The following MBP variants were observed in gnomAD, a reference collection of about 807,000 sequenced individuals.
MBP encodes Golli-MBP.
MBP carries 16 observed loss-of-function variants against 35.8 expected under a neutral mutation model. The observed-to-expected ratio is 0.45, with a 90% CI of 0.30 to 0.68. The LOEUF is 0.68. Among genes scored for constraint, MBP ranks in the 30% least tolerant of loss-of-function variants. The probability of loss-of-function intolerance (pLI) is 0.08; values close to 1 mark genes in which losing one functional copy is unlikely to be tolerated. For missense variants in MBP, 380 were observed against 404.7 expected (o/e 0.94, Z 0.52); for synonymous variants, 143 against 159.6 (o/e 0.90, Z 0.78).
intron 8 of MBP, chr18:76,981,315 G>A (rs470554): frequency 0.64 from 96,933 of 152,026 alleles, 31,016 homozygotes; most frequent in Middle Eastern, 0.69. Flanking sequence ...TTTTGGCGAA[G>A]AGCCCCCAGA....
At chr18:77,018,521 CCATA>C (rs1009978412) in intron 3 of MBP, among the ~76,000 whole-genome samples, 8 of 149,436 alleles carry the variant, frequency 5.4e-5, no homozygotes, top group Non-Finnish European at 3.0e-5. Flanking sequence ...ATCCATCCAT[CCATA>C]CACACACCCA....
intron 4 of MBP, chr18:77,003,668 T>C (rs923030268): frequency 6.6e-6 from 1 of 152,212 alleles, no homozygotes; most frequent in Non-Finnish European, 1.5e-5. Context: ...GCTTCTTCAG[T>C]ATATTTTTTG....
In MBP at chr18:76,992,298, G is replaced by A. The variant is rs985920408; in HGVS notation, c.577-2238C>T. Among the ~76,000 whole-genome samples, 21 of 152,088 alleles carry A rather than the reference G, an allele frequency of 1.4e-4. 1 individual carries two copies. Among genetic ancestry groups the A allele is most frequent in the Admixed American group, 1.2e-3 (18 of 15,280 alleles). On this transcript the variant is annotated intron_variant, in intron 4 of 8. Coordinates refer to ENST00000355994, the MANE Select transcript of MBP (RefSeq NM_001025101.2). ...ATTCCCATAAGGAGTGCACAACCTC[G>A]ATCCCTCGAACATGCCATTCCCAGT... is the stretch of plus-strand genomic sequence containing the variant.
chr18:76,990,126 G>T (rs931214280), intron 4 of MBP, 66 bp from the exon 5 acceptor site: 74 of 1,033,350 alleles, frequency 7.2e-5, no homozygotes, highest in Non-Finnish European at 1.0e-4. Context: ...CCTCCTCAGG[G>T]AAGCTGGATC....
Position 76,985,116 on chromosome 18 carries a change from C to T in MBP, c.751-222G>A, listed in dbSNP as rs896211653. The T allele has an allele frequency of 3.4e-5, 52 of 1,532,592 alleles. No individual in the cohort carries two copies. In the Admixed American group the frequency reaches 5.8e-4, roughly 17 times the overall value. 94.9% of individuals were successfully genotyped at this position (1,532,592 alleles called of 1,614,324 possible). ...TGTTGGCCGCAGAGAGAGGAGGGCT[C>T]TGGTTTGGGCGGAGGCTCTCTCATG... On this transcript the variant is annotated intron_variant, in intron 7 of 8. Transcript: ENST00000355994.
chr18:77,022,310 C>A (rs1419167991), intron 3 of MBP, among the ~76,000 whole-genome samples: 3 of 152,210 alleles, frequency 2.0e-5, no homozygotes, highest in African/African-American at 7.2e-5. Flanking sequence ...TGTGACTGTG[C>A]TGGCTGAGCC....
intron 2 of MBP, among the ~76,000 whole-genome samples, chr18:77,073,434 A>G (rs529558667): frequency 1.3e-5 from 2 of 152,290 alleles, no homozygotes; most frequent in African/African-American, 4.8e-5. Context: ...ACATTTCACC[A>G]TTTTGACATG....
In MBP at chr18:77,010,518, T is replaced by A. The variant is rs2123408241; in HGVS notation, c.576+6314A>T. On this transcript the variant is annotated intron_variant, in intron 4 of 8. Transcript: ENST00000355994. ...TGAACCGAGGACGGACCTTTTCCGA[T>A]TTTCTGCAGAGCATGAGGAAATAAT... Among the ~76,000 whole-genome samples, 2 of 152,374 alleles carry A rather than the reference T, an allele frequency of 1.3e-5. 1 individual carries two copies. Among genetic ancestry groups the A allele is most frequent in the South Asian group, 4.1e-4 (2 of 4,832 alleles).
At chr18:77,012,750 A>G in intron 4 of MBP, 1 of 983,872 alleles carries the variant, frequency 1.0e-6, no homozygotes. Flanking sequence ...CCAAACCAAA[A>G]ACGACAAATT....
intron 2 of MBP, among the ~76,000 whole-genome samples, chr18:77,078,466 G>A (rs1197739088): frequency 6.6e-6 from 1 of 152,202 alleles, no homozygotes; most frequent in Non-Finnish European, 1.5e-5. Flanking sequence ...GGAGAAGGGA[G>A]TAGAAAGAAG....
chr18:77,017,121 G>A lies in MBP; in HGVS notation c.287C>T (p.Ser96Phe). The change falls in exon 4 of 9, where the codon TCC becomes TTC. Residue 96 changes from serine (S) to phenylalanine (F), a missense_variant. Transcript: ENST00000355994. The part of the protein sequence containing the change: ...GSRPHLIRLF[S>F]RDAPGREDNT... ...GTCCTCCCTCCCCGGGGCATCTCGG[G>A]AAAAGAGGCGGATCAAGTGGGGGCG... is the stretch of plus-strand genomic sequence containing the variant. 6.3e-7 allele frequency: 1 copy of A among 1,585,192 alleles called. No individual in the cohort carries two copies. Among genetic ancestry groups the A allele is most frequent in the Non-Finnish European group, 8.6e-7 (1 of 1,161,984 alleles).
At chr18:77,088,911 T>C (rs1975389279) in intron 2 of MBP, among the ~76,000 whole-genome samples, 1 of 152,230 alleles carries the variant, frequency 6.6e-6, no homozygotes, top group Non-Finnish European at 1.5e-5. Context: ...CTGCATGGGC[T>C]ACAAGGCCTA....
chr18:77,049,575 G>T (rs1238108287), intron 3 of MBP, among the ~76,000 whole-genome samples: 1 of 152,120 alleles, frequency 6.6e-6, no homozygotes, highest in East Asian at 1.9e-4. Flanking sequence ...AAGAGTAAGG[G>T]TCATTACATA....
chr18:76,988,174 T>C lies in MBP; in HGVS notation c.750+321A>G, dbSNP rs529756169. 7.1e-6 allele frequency: 11 copies of C among 1,541,508 alleles called. No individual in the cohort carries two copies. In the East Asian group the frequency reaches 2.7e-4, roughly 38 times the overall value. On this transcript the variant is annotated intron_variant, in intron 7 of 8. Coordinates refer to ENST00000355994, the MANE Select transcript of MBP (RefSeq NM_001025101.2). The surrounding 1 kb of genome is among the most constrained non-coding windows in gnomAD (Gnocchi z 5.2). ...TGGTTGTGTTGGAGGAAGTTAAACA[T>C]TTTCTCGGACGTGGTGTTGCTCCCT...
At chr18:77,029,189 A>G (rs1223009356) in intron 3 of MBP, among the ~76,000 whole-genome samples, 1 of 135,902 alleles carries the variant, frequency 7.4e-6, no homozygotes, top group Non-Finnish European at 1.7e-5. Flanking sequence ...CTGGCGGATC[A>G]CTCGCGGTTA....
intron 3 of MBP, among the ~76,000 whole-genome samples, chr18:77,055,092 C>T (rs537886858): frequency 8.5e-5 from 13 of 152,350 alleles, no homozygotes; most frequent in African/African-American, 2.2e-4. Context: ...CTTCTGGGCA[C>T]GCACATCGTG....
chr18:77,009,263 G>A (rs1251843573), intron 4 of MBP, among the ~76,000 whole-genome samples: 2 of 152,204 alleles, frequency 1.3e-5, no homozygotes, highest in Admixed American at 1.3e-4. Flanking sequence ...GCTTTGAGAA[G>A]CCGTGGCAGC....
chr18:76,988,665 G>A lies in MBP; in HGVS notation c.718-138C>T, dbSNP rs556211514. The A allele has an allele frequency of 1.3e-5, 19 of 1,470,104 alleles. 1 individual carries two copies. The Admixed American group carries it at 2.4e-4, about 19-fold the overall frequency. 91.1% of individuals were successfully genotyped at this position (1,470,104 alleles called of 1,614,324 possible). ...TCCACCCGGAGCTCCGAGGGGGGCC[G>A]CAGGCTCAGGGCCACAGCGGCTGTG... On this transcript the variant is annotated intron_variant, in intron 6 of 8. Transcript: ENST00000355994. The surrounding 1 kb of genome is among the most constrained non-coding windows in gnomAD (Gnocchi z 5.2).
At chr18:77,104,488 G>A (rs11660885) in intron 2 of MBP, among the ~76,000 whole-genome samples, 47,693 of 152,042 alleles carry the variant, frequency 0.31, 9,092 homozygotes, top group Non-Finnish European at 0.43. Context: ...CTGTCCTTTC[G>A]CCAGACCTCT....
Sources: gnomAD v4.1 joint callset for allele counts (sites outside exome capture counted in the v4.1 genomes callset) on GRCh38, gnomAD v4.1.1 for gene constraint, Gnocchi (gnomAD v3.1) non-coding constraint, MANE v1.5 for transcripts, NCBI Gene and HGNC (gene_info 2026-07-23, HGNC 2026-07-21) for gene names.